The following DHX32 variants were observed in gnomAD, a reference collection of about 807,000 sequenced individuals.
The protein encoded by DHX32 is putative pre-mRNA-splicing factor ATP-dependent RNA helicase DHX32.
In DHX32, 51 loss-of-function variants were observed where a neutral mutation model predicts 70.0. The ratio of observed to expected loss-of-function variants is 0.73; its 90% CI spans 0.58 to 0.92. DHX32 has a LOEUF of 0.92. DHX32 is among the 40% of genes least tolerant of loss of function. The pLI is 0.00. For synonymous variants in DHX32, 310 were observed against 315.3 expected (o/e 0.98, Z 0.18); for missense variants, 762 against 891.8 (o/e 0.85, Z 1.85).
chr10:125,892,827 T>G (rs1292741736), intron 1 of DHX32, among the ~76,000 whole-genome samples: 2 of 152,280 alleles, frequency 1.3e-5, no homozygotes, highest in Non-Finnish European at 2.9e-5. Flanking sequence ...CAGACAACCA[T>G]TGCAGGTTTT....
At chr10:125,837,935 T>C (rs908165756) in intron 10 of DHX32, among the ~76,000 whole-genome samples, 7 of 152,194 alleles carry the variant, frequency 4.6e-5, no homozygotes, top group African/African-American at 1.7e-4. Context: ...TGCACCTGTA[T>C]ACAGTGCATT....
At chr10:125,857,386 C>A (rs1248021315) in intron 3 of DHX32, among the ~76,000 whole-genome samples, 1 of 152,206 alleles carries the variant, frequency 6.6e-6, no homozygotes, top group Non-Finnish European at 1.5e-5. Flanking sequence ...TGCTGCCCCA[C>A]CCACAGGGCA....
intron 3 of DHX32, among the ~76,000 whole-genome samples, chr10:125,855,496 TGGA>T (rs1944139436): frequency 6.7e-6 from 1 of 148,572 alleles, no homozygotes; most frequent in South Asian, 2.2e-4. Context: ...TTGCCCAGGC[TGGA>T]GTGCAGTGGC....
intron 1 of DHX32, among the ~76,000 whole-genome samples, chr10:125,878,419 T>C (rs567186939): frequency 3.9e-5 from 6 of 152,340 alleles, no homozygotes; most frequent in African/African-American, 1.4e-4. Context: ...CATCTCATCT[T>C]AACAGGGTTG....
At chr10:125,851,920 CAAAAAAAAAA>C (rs56380138) in intron 6 of DHX32, among the ~76,000 whole-genome samples, 1 of 86,770 alleles carries the variant, frequency 1.2e-5, no homozygotes, top group Non-Finnish European at 2.2e-5. Flanking sequence ...GACCCTGTCT[CAAAAAAAAAA>C]AAAAAAAAAA....
chr10:125,859,577 G>A, intron 3 of DHX32, 26 bp downstream of exon 3: 2 of 1,530,838 alleles, frequency 1.3e-6, no homozygotes, highest in Non-Finnish European at 1.8e-6. Flanking sequence ...CCTTATTACT[G>A]TAAGGTTAGA....
intron 1 of DHX32, among the ~76,000 whole-genome samples, chr10:125,891,307 T>C (rs1944369295): frequency 6.6e-6 from 1 of 152,258 alleles, no homozygotes; most frequent in Non-Finnish European, 1.5e-5. Context: ...TTAACATACT[T>C]TACCTGAGAC....
Position 125,836,619 on chromosome 10 carries a change from C to T in DHX32, c.*68G>A. On this transcript the variant is annotated 3_prime_UTR_variant, in exon 11 of 11. Transcript: ENST00000284690. ...AAATCCGTCTTCGCGTCATGTATCT[C>T]CCATATCCAGCAGTTCAGCCATCCA... The T allele has an allele frequency of 6.4e-7, 1 of 1,562,828 alleles. No homozygotes were observed. The highest frequency in any genetic ancestry group is 8.7e-7 in the Non-Finnish European group (1 of 1,148,978).
At position 125,839,000 on chromosome 10, in the gene DHX32, C is replaced by T. The variant is rs762299233; in HGVS notation, c.1881+1G>A. 24 of 1,613,196 alleles carry T rather than the reference C, an allele frequency of 1.5e-5. No homozygotes were observed. Among genetic ancestry groups the T allele is most frequent in the Non-Finnish European group, 1.6e-5 (19 of 1,179,520 alleles). On this transcript the variant is annotated splice_donor_variant, in intron 9 of 10. Coordinates refer to ENST00000284690, the MANE Select transcript of DHX32 (RefSeq NM_018180.3). LOFTEE classifies it high-confidence loss of function. The stretch of plus-strand genomic sequence containing the variant: ...GCTGAGGTGACCCCACCCCTTCTCA[C>T]CTGCATAAAGTAACCGGACAGAAGA...
chr10:125,872,050 C>A (rs960613056), intron 1 of DHX32, among the ~76,000 whole-genome samples: 1 of 151,930 alleles, frequency 6.6e-6, no homozygotes, highest in Non-Finnish European at 1.5e-5. Flanking sequence ...TTAGTAGAGA[C>A]GAGGTTTCTC....
chr10:125,867,741 A>C (rs955636500), intron 1 of DHX32, among the ~76,000 whole-genome samples: 2 of 146,298 alleles, frequency 1.4e-5, no homozygotes, highest in African/African-American at 5.0e-5. Context: ...GTCTCAAAAA[A>C]AAAAAAAAAA....
chr10:125,852,468 A>T lies in DHX32; in HGVS notation c.1193-17T>A. The T allele has an allele frequency of 6.2e-7, 1 of 1,613,972 alleles. No homozygotes were observed. The highest frequency in any genetic ancestry group is 1.1e-5 in the South Asian group (1 of 91,078). ...AAAATTTTCCTAAAAGACACCAAGA[A>T]AAATGGCTTTAATATTTCTGGGTTG... On this transcript the variant is annotated splice_polypyrimidine_tract_variant and intron_variant, in intron 5 of 10. Coordinates refer to ENST00000284690, the MANE Select transcript of DHX32 (RefSeq NM_018180.3).
At position 125,838,292 on chromosome 10, in the gene DHX32, C is replaced by A; in HGVS notation, c.1977G>T (p.Lys659Asn). The A allele has an allele frequency of 6.2e-7, 1 of 1,613,984 alleles. No homozygotes were observed. Among genetic ancestry groups the A allele is most frequent in the Non-Finnish European group, 8.5e-7 (1 of 1,179,992 alleles). The change falls in exon 10 of 11, where the codon AAG becomes AAT. Residue 659 changes from lysine to asparagine, a missense_variant. This residue lies in a region of DHX32 where 366 missense variants were observed against 402.6 expected (regional missense o/e 0.91). Coordinates refer to ENST00000284690, the MANE Select transcript of DHX32 (RefSeq NM_018180.3). Reference protein sequence around the residue: ...LHPLSGYSITKKMPEWVLFHK... With the variant: ...LHPLSGYSITNKMPEWVLFHK... ...GGAAGAGGACCCACTCTGGCATCTT[C>A]TTGGTGATTGAGTAACCAGACAGGG...
At position 125,867,063 on chromosome 10, in the gene DHX32, C is replaced by G. The variant is rs1225440150; in HGVS notation, c.403G>C (p.Asp135His). The G allele has an allele frequency of 6.2e-7, 1 of 1,614,242 alleles. No individual in the cohort carries two copies. The highest frequency in any genetic ancestry group is 1.3e-5 in the African/African-American group (1 of 75,064). ...QLALRVADEM[D>H]VNIGHEVGYV... ...CCAACCTCATGACCAATGTTAACAT[C>G]CATTTCATCCGCCACCCGCAGGGCG... is the stretch of plus-strand genomic sequence containing the variant. Residue 135 changes from aspartate to histidine, a missense_variant, in exon 2 of 11, where the codon GAT becomes CAT. By Grantham distance (81) the Asp-to-His change is moderately conservative (BLOSUM62 -1). Transcript: ENST00000284690.
chr10:125,846,436 A>G (rs944319379), intron 6 of DHX32, among the ~76,000 whole-genome samples: 2 of 152,182 alleles, frequency 1.3e-5, no homozygotes, highest in African/African-American at 4.8e-5. Context: ...GTGTTGGTTC[A>G]TGATTTCCTC....
intron 6 of DHX32, among the ~76,000 whole-genome samples, chr10:125,849,744 A>G (rs1944066942): frequency 6.6e-6 from 1 of 152,210 alleles, no homozygotes. Context: ...TGTTATATAT[A>G]GTATAGTAAA....
Position 125,854,843 on chromosome 10 carries a change from A to G in DHX32, c.850-640T>C, listed in dbSNP as rs531157050. On this transcript the variant is annotated intron_variant, in intron 3 of 10. Transcript: ENST00000284690. ...GATCCTAATGAGTGAAAACTTGCCA[A>G]TTGGAATAATGAGAACAAAACGTTT... 6 of 152,378 alleles carry G rather than the reference A, an allele frequency of 3.9e-5. No homozygotes were observed. In the East Asian group the frequency reaches 9.6e-4, roughly 24 times the overall value. The allele number at this position is 152,378 out of a possible 1,614,324, so 9.4% of individuals were successfully genotyped here.
chr10:125,875,308 A>G (rs1474462344), intron 1 of DHX32, among the ~76,000 whole-genome samples: 1 of 152,178 alleles, frequency 6.6e-6, no homozygotes, highest in South Asian at 2.1e-4. Context: ...TAAACGGAAC[A>G]AGGACTCCTG....
intron 1 of DHX32, among the ~76,000 whole-genome samples, chr10:125,876,838 A>T (rs1202406255): frequency 6.6e-6 from 1 of 152,254 alleles, no homozygotes; most frequent in African/African-American, 2.4e-5. Context: ...TATAAAGGCT[A>T]TCAATGGGAA....
Sources: allele counts gnomAD v4.1 joint callset (sites outside exome capture counted in the v4.1 genomes callset), GRCh38; gene constraint gnomAD v4.1.1; regional missense constraint gnomAD v4.1.1; transcripts MANE v1.5; gene names NCBI Gene and HGNC (gene_info 2026-07-23, HGNC 2026-07-21).